UBAP2L: variants seen among roughly 807,000 people sequenced by gnomAD.
UBAP2L encodes the protein ubiquitin-associated protein 2-like.
UBAP2L carries 12 observed loss-of-function variants against 130.6 expected under a neutral mutation model. The ratio of observed to expected loss-of-function variants is 0.09; its 90% CI spans 0.06 to 0.15. The LOEUF (loss-of-function observed/expected upper bound fraction) is 0.15, where lower values mean the gene tolerates loss of function less well. UBAP2L is among the 10% of genes least tolerant of loss of function. The probability of loss-of-function intolerance (pLI) is 1.00; values close to 1 mark genes in which losing one functional copy is unlikely to be tolerated. For missense variants in UBAP2L, 965 were observed against 1,332.5 expected (o/e 0.72, Z 4.29); for synonymous variants, 503 against 524.7 (o/e 0.96, Z 0.57).
At chr1:154,224,369 A>G (rs1667287163) in intron 1 of UBAP2L, among the ~76,000 whole-genome samples, 1 of 152,214 alleles carries the variant, frequency 6.6e-6, no homozygotes, top group South Asian at 2.1e-4. Flanking sequence ...CTAGGAGACC[A>G]AGAGAAGCAC....
rs1006246153 is a variant in UBAP2L, at chr1:154,228,871, A to G, written c.279+146A>G. The G allele has an allele frequency of 1.1e-5, 6 of 530,432 alleles. No homozygotes were observed. The Admixed American group carries it at 2.1e-4, about 19-fold the overall frequency. The allele number at this position is 530,432 out of a possible 1,614,324, so 32.9% of individuals were successfully genotyped here. ...GGAACTTTCTTGGAGATTGTTCACC[A>G]CAGGTTATAAATACTTAAAATTTAT... On this transcript the variant is annotated intron_variant, in intron 4 of 26. Coordinates refer to ENST00000428931, the MANE Select transcript of UBAP2L (RefSeq NM_014847.4).
chr1:154,261,701 A>G lies in UBAP2L; in HGVS notation c.2902+4A>G. The G allele has an allele frequency of 6.2e-7, 1 of 1,613,838 alleles. No homozygotes were observed. The highest frequency in any genetic ancestry group is 1.1e-5 in the South Asian group (1 of 91,064). ...GGGTCTCATGGATACAACACTGGTAAGCTGACCTTGTCTCTGGCTCGGTGT... is the reference window on the plus strand; with the variant it reads ...GGGTCTCATGGATACAACACTGGTAGGCTGACCTTGTCTCTGGCTCGGTGT... On this transcript the variant is annotated splice_donor_region_variant and intron_variant, in intron 24 of 26. Coordinates refer to ENST00000428931, the MANE Select transcript of UBAP2L (RefSeq NM_014847.4).
rs1027661306 is a variant in UBAP2L at position 154,251,594 on chromosome 1, C to T, written c.1605C>T (p.Thr535=). ...SEPVLSDYES[T]PTTSASSSQA... The stretch of plus-strand genomic sequence containing the variant: ...CTGTCCTTTCTGATTATGAGTCCAC[C>T]CCCACCACGAGCGCCTCTTCAAGCC... Residue 535 remains threonine, a synonymous_variant, in exon 14 of 27, where the codon ACC becomes ACT. Coordinates refer to ENST00000428931, the MANE Select transcript of UBAP2L (RefSeq NM_014847.4). 2 of 1,614,032 alleles carry T rather than the reference C, an allele frequency of 1.2e-6. No individual in the cohort carries two copies. The highest frequency in any genetic ancestry group is 1.1e-5 in the South Asian group (1 of 91,082).
chr1:154,249,047 A>G (rs940829994), intron 11 of UBAP2L, among the ~76,000 whole-genome samples, 192 bp from the exon 12 acceptor site: 1 of 152,206 alleles, frequency 6.6e-6, no homozygotes, highest in Non-Finnish European at 1.5e-5. Context: ...CCAAGCTTAC[A>G]TAGCCAGGAT....
At chr1:154,234,146 T>A (rs1234843160) in intron 4 of UBAP2L, among the ~76,000 whole-genome samples, 1 of 152,040 alleles carries the variant, frequency 6.6e-6, no homozygotes, top group Non-Finnish European at 1.5e-5. Context: ...GGACCACCTG[T>A]GGTCAGGAGT....
chr1:154,230,343 C>T (rs1669425770), intron 4 of UBAP2L, among the ~76,000 whole-genome samples: 1 of 152,166 alleles, frequency 6.6e-6, no homozygotes, highest in Admixed American at 6.5e-5. Flanking sequence ...CAGAGTCACT[C>T]CAGCTAAATG....
rs551019357 is a variant in UBAP2L, at chr1:154,246,130, A to G, written c.843-74A>G. The G allele has an allele frequency of 2.4e-5, 36 of 1,507,230 alleles. No individual in the cohort carries two copies. The South Asian group carries it at 4.2e-4, about 18-fold the overall frequency. 93.4% of individuals were successfully genotyped at this position (1,507,230 alleles called of 1,614,324 possible). ...CCAGCAAGTGGCTTCATTTTGATCT[A>G]ATCTGATTTGAGTGTTGGGGAATGT... On this transcript the variant is annotated intron_variant, in intron 10 of 26. Transcript: ENST00000428931.
rs1671764915 is a variant in UBAP2L, at chr1:154,236,619, T to G, written c.590+8T>G. ...TTCTGCTCAAGGAATGGGGTAAGTT[T>G]CATTGATCTAGTGTCTTAATTTTTT... On this transcript the variant is annotated splice_region_variant and intron_variant, in intron 7 of 26. Coordinates refer to ENST00000428931, the MANE Select transcript of UBAP2L (RefSeq NM_014847.4). 1.2e-6 allele frequency: 2 copies of G among 1,613,990 alleles called. No homozygotes were observed. The highest frequency in any genetic ancestry group is 1.7e-5 in the Admixed American group (1 of 59,998).
chr1:154,227,548 G>GTTTTTTTT (rs140500910), intron 3 of UBAP2L, among the ~76,000 whole-genome samples, 189 bp downstream of exon 3: 6 of 149,652 alleles, frequency 4.0e-5, no homozygotes, highest in African/African-American at 2.4e-5. Flanking sequence ...CCTTTGTTTT[G>GTTTTTTTT]TTTTTTGTTT....
In UBAP2L at chr1:154,270,783, T is replaced by TTTTTTTTC; in HGVS notation, c.*491_*492insTTTTCTTT. The TTTTTTTTC allele has an allele frequency of 1.5e-6, 2 of 1,331,756 alleles. No individual in the cohort carries two copies. Among genetic ancestry groups the TTTTTTTTC allele is most frequent in the South Asian group, 1.7e-5 (1 of 57,566 alleles). The allele number at this position is 1,331,756 out of a possible 1,614,324, so 82.5% of individuals were successfully genotyped here. Reference sequence around the variant, plus strand: ...GGTTTTTTTTTTGTTTTTTTTTTTTTTTTGTACTGTGTCCTCAAATTTAAT... The same window carrying TTTTTTTTC: ...GGTTTTTTTTTTGTTTTTTTTTTTTTTTTTTTTCTTTGTACTGTGTCCTCAAATTTAAT... On this transcript the variant is annotated 3_prime_UTR_variant, in exon 27 of 27. Transcript: ENST00000428931.
At chr1:154,234,544 G>C in intron 4 of UBAP2L, 47 bp from the exon 5 acceptor site, 1 of 1,604,964 alleles carries the variant, frequency 6.2e-7, no homozygotes, top group Non-Finnish European at 8.5e-7. Flanking sequence ...CTAGTGTCCT[G>C]ATAGCACTCC....
intron 1 of UBAP2L, among the ~76,000 whole-genome samples, chr1:154,223,333 T>C (rs1000152606): frequency 6.6e-6 from 1 of 152,162 alleles, no homozygotes; most frequent in Admixed American, 6.6e-5. Context: ...CAAATAGATA[T>C]CACATGTGGA....
At chr1:154,240,470 A>G (rs1398622095) in intron 8 of UBAP2L, among the ~76,000 whole-genome samples, 1 of 152,208 alleles carries the variant, frequency 6.6e-6, no homozygotes, top group Non-Finnish European at 1.5e-5. Flanking sequence ...TGCCATGACC[A>G]TAGCAGGTCA....
chr1:154,229,873 TGAGTCA>T (rs1331239169), intron 4 of UBAP2L, among the ~76,000 whole-genome samples: 2 of 152,222 alleles, frequency 1.3e-5, no homozygotes, highest in Non-Finnish European at 1.5e-5. Flanking sequence ...TTTTTTTTCT[TGAGTCA>T]GAGTCTTGCT....
At chr1:154,253,453 C>T (rs1044203097) in intron 14 of UBAP2L, among the ~76,000 whole-genome samples, 7 of 146,460 alleles carry the variant, frequency 4.8e-5, no homozygotes, top group East Asian at 2.0e-4. Flanking sequence ...GGCTTGATCT[C>T]GGCTCACTGC....
At chr1:154,231,480 TA>T (rs989968726) in intron 4 of UBAP2L, among the ~76,000 whole-genome samples, 1 of 151,944 alleles carries the variant, frequency 6.6e-6, no homozygotes, top group Non-Finnish European at 1.5e-5. Context: ...TTGGTATGTT[TA>T]GTAGAGACAG....
At chr1:154,234,564 A>G in intron 4 of UBAP2L, 27 bp from the exon 5 acceptor site, 1 of 1,612,638 alleles carries the variant, frequency 6.2e-7, no homozygotes, top group Non-Finnish European at 8.5e-7. Context: ...CATATTGATT[A>G]GATATGAATG....
chr1:154,264,082 G>A (rs1363360994), intron 24 of UBAP2L, among the ~76,000 whole-genome samples: 2 of 152,144 alleles, frequency 1.3e-5, no homozygotes, highest in Non-Finnish European at 2.9e-5. Context: ...GTGCAGGAGC[G>A]GTTTGGTCAG....
At chr1:154,259,753 T>A in intron 21 of UBAP2L, 195 bp from the exon 22 acceptor site, 1 of 741,350 alleles carries the variant, frequency 1.3e-6, no homozygotes, top group Non-Finnish European at 2.5e-6. Context: ...CTTGTCTGAC[T>A]GTGCTCATGG....
Sources: allele counts gnomAD v4.1 joint callset (sites outside exome capture counted in the v4.1 genomes callset), GRCh38; gene constraint gnomAD v4.1.1; transcripts MANE v1.5; gene names NCBI Gene and HGNC (gene_info 2026-07-23, HGNC 2026-07-21).